Variants in HDGFL3 observed in about 807,000 individuals in gnomAD.
HDGFL3 encodes HDGF like 3.
Under a neutral mutation model 27.6 loss-of-function variants are expected in HDGFL3, and 6 were observed. The ratio of observed to expected loss-of-function variants is 0.22; its 90% CI spans 0.12 to 0.43. The LOEUF is 0.43. Among genes scored for constraint, HDGFL3 ranks in the 20% least tolerant of loss-of-function variants. HDGFL3 has a pLI of 1.00. For synonymous variants in HDGFL3, 88 were observed against 88.9 expected (o/e 0.99, Z 0.05); for missense variants, 207 against 250.1 (o/e 0.83, Z 1.16).
intron 5 of HDGFL3, among the ~76,000 whole-genome samples, chr15:83,141,509 T>C (rs187800418): frequency 6.6e-6 from 1 of 152,352 alleles, no homozygotes. Context: ...ACAACTGTTT[T>C]TTGCCAATGA....
intron 1 of HDGFL3, among the ~76,000 whole-genome samples, chr15:83,166,399 G>A (rs1374599003): frequency 1.3e-5 from 2 of 152,162 alleles, no homozygotes; most frequent in African/African-American, 4.8e-5. Flanking sequence ...ATATTTTCCA[G>A]ACAAGCAAGT....
chr15:83,196,320 T>C (rs1269020077), intron 1 of HDGFL3, among the ~76,000 whole-genome samples: 2 of 151,964 alleles, frequency 1.3e-5, no homozygotes, highest in Non-Finnish European at 2.9e-5. Flanking sequence ...AACCATTTTT[T>C]AAAAGTTGAT....
At chr15:83,199,124 G>C (rs1330667219) in intron 1 of HDGFL3, among the ~76,000 whole-genome samples, 1 of 152,066 alleles carries the variant, frequency 6.6e-6, no homozygotes, top group Non-Finnish European at 1.5e-5. Flanking sequence ...GTAGTCCAGG[G>C]AAGGAGATAA....
chr15:83,169,464 A>G (rs2037218413), intron 1 of HDGFL3, among the ~76,000 whole-genome samples: 1 of 149,364 alleles, frequency 6.7e-6, no homozygotes, highest in Admixed American at 6.7e-5. Flanking sequence ...AAAGAAAAGA[A>G]GAAGTCAAAA....
At chr15:83,199,710 T>A (rs1273353877) in intron 1 of HDGFL3, among the ~76,000 whole-genome samples, 2 of 152,154 alleles carry the variant, frequency 1.3e-5, no homozygotes. Flanking sequence ...CCAGTTTATC[T>A]TGTCCCCAAA....
intron 1 of HDGFL3, among the ~76,000 whole-genome samples, chr15:83,175,476 G>A (rs1409315169): frequency 3.3e-5 from 5 of 152,116 alleles, no homozygotes; most frequent in Admixed American, 1.3e-4. Context: ...TTATCAAGTG[G>A]CAACAGAACT....
chr15:83,186,284 C>T (rs1178603722), intron 1 of HDGFL3, among the ~76,000 whole-genome samples: 1 of 152,176 alleles, frequency 6.6e-6, no homozygotes, highest in Non-Finnish European at 1.5e-5. Flanking sequence ...GAAGAAACTA[C>T]AAAAAGAGTT....
At chr15:83,196,835 A>T (rs913432585) in intron 1 of HDGFL3, among the ~76,000 whole-genome samples, 1 of 152,328 alleles carries the variant, frequency 6.6e-6, no homozygotes, top group Non-Finnish European at 1.5e-5. Flanking sequence ...AGGTGCAGTT[A>T]AAGCCTGTTG....
chr15:83,176,077 G>A (rs1405894431), intron 1 of HDGFL3, among the ~76,000 whole-genome samples: 5 of 152,208 alleles, frequency 3.3e-5, no homozygotes, highest in African/African-American at 1.2e-4. Flanking sequence ...TTGCCTTGTA[G>A]AGGAACACGT....
chr15:83,124,494 A>T (rs1286802107), downstream of HDGFL3, among the ~76,000 whole-genome samples: 1 of 152,194 alleles, frequency 6.6e-6, no homozygotes, highest in Non-Finnish European at 1.5e-5. Context: ...TTCACAGATA[A>T]GGAAATTGAG....
At chr15:83,203,246 G>A (rs148501918) in intron 1 of HDGFL3, among the ~76,000 whole-genome samples, 1 of 152,066 alleles carries the variant, frequency 6.6e-6, no homozygotes, top group African/African-American at 2.4e-5. Flanking sequence ...ACATCTCAGC[G>A]GAAGGTTTGG....
At chr15:83,164,807 C>T (rs1596554434) in intron 1 of HDGFL3, among the ~76,000 whole-genome samples, 1 of 152,332 alleles carries the variant, frequency 6.6e-6, no homozygotes, top group East Asian at 1.9e-4. Flanking sequence ...TATAATTACA[C>T]ATACATTATT....
At chr15:83,203,017 T>C (rs2037668014) in intron 1 of HDGFL3, among the ~76,000 whole-genome samples, 1 of 152,124 alleles carries the variant, frequency 6.6e-6, no homozygotes, top group African/African-American at 2.4e-5. Flanking sequence ...CTTGGGTATA[T>C]GCCTAGAAGA....
In HDGFL3 at chr15:83,170,846, A is replaced by C. The variant is rs180686994; in HGVS notation, c.85-6771T>G. ...ATCCAACAAAGGTGTAATATCCAGA[A>C]TCTATAAGGAATTTAAAGAATTCAA... On this transcript the variant is annotated intron_variant, in intron 1 of 5. Transcript: ENST00000299633. Among the ~76,000 whole-genome samples, 4 of 151,070 alleles carry C rather than the reference A, an allele frequency of 2.6e-5. No individual in the cohort carries two copies. The East Asian group carries it at 7.8e-4, about 29-fold the overall frequency.
chr15:83,206,137 A>G (rs895507176), intron 1 of HDGFL3, among the ~76,000 whole-genome samples: 2 of 152,210 alleles, frequency 1.3e-5, no homozygotes, highest in African/African-American at 2.4e-5. Context: ...AAATATTTAA[A>G]AAGTGATTAT....
intron 5 of HDGFL3, among the ~76,000 whole-genome samples, chr15:83,142,726 A>G (rs1300033835): frequency 6.6e-6 from 1 of 152,208 alleles, no homozygotes; most frequent in East Asian, 1.9e-4. Context: ...GTATAATACC[A>G]GATTTTCTTC....
At position 83,127,999 on chromosome 15, in the gene HDGFL3, C is replaced by A. The variant is rs187709526; in HGVS notation, c.*11271G>T. ...GTAGGTGTTCAGTGAATGCTTACTG[C>A]GTTTAACTGAAAATGAAATTATCTA... On this transcript the variant is annotated 3_prime_UTR_variant, in exon 6 of 6. Coordinates refer to ENST00000299633, the MANE Select transcript of HDGFL3 (RefSeq NM_016073.4). The A allele has an allele frequency of 6.6e-6, 1 of 152,398 alleles. No individual in the cohort carries two copies. The highest frequency in any genetic ancestry group is 1.5e-5 in the Non-Finnish European group (1 of 68,238). 9.4% of individuals were successfully genotyped at this position (152,398 alleles called of 1,614,324 possible).
intron 1 of HDGFL3, among the ~76,000 whole-genome samples, chr15:83,166,789 A>G (rs1040522578): frequency 6.6e-6 from 1 of 152,132 alleles, no homozygotes; most frequent in Non-Finnish European, 1.5e-5. Context: ...AGGAAGAGAG[A>G]AAAGGGGGAA....
At chr15:83,181,082 G>C (rs974446396) in intron 1 of HDGFL3, 2 of 152,140 alleles carry the variant, frequency 1.3e-5, no homozygotes, top group Non-Finnish European at 2.9e-5. Context: ...ACTAGTGATA[G>C]AACAATCTTA....
Sources: gnomAD v4.1 joint callset for allele counts (sites outside exome capture counted in the v4.1 genomes callset) on GRCh38, gnomAD v4.1.1 for gene constraint, MANE v1.5 for transcripts, NCBI Gene and HGNC (gene_info 2026-07-23, HGNC 2026-07-21) for gene names.